Variants in FOXP1 observed in about 807,000 individuals in gnomAD.
FOXP1 encodes the protein forkhead box protein P1.
Under a neutral mutation model 98.2 loss-of-function variants are expected in FOXP1, and 15 were observed. That is an observed-to-expected ratio of 0.15 (90% confidence interval 0.10 to 0.24). The LOEUF (loss-of-function observed/expected upper bound fraction) is 0.24. Ranked by LOEUF, FOXP1 falls within the 10% of genes least tolerant of loss-of-function variation. The pLI, the probability that FOXP1 is intolerant of heterozygous loss-of-function variation, is 1.00. For synonymous variants in FOXP1, 371 were observed against 314.5 expected (o/e 1.18, Z -1.90); for missense variants, 633 against 848.5 (o/e 0.75, Z 3.15).
intron 12 of FOXP1, among the ~76,000 whole-genome samples, chr3:71,003,823 C>T (rs1264740647): frequency 1.3e-5 from 2 of 152,028 alleles, no homozygotes; most frequent in African/African-American, 2.4e-5. Flanking sequence ...TTCACAAATA[C>T]CCTTTCATTT....
At position 71,112,612 on chromosome 3, in the gene FOXP1, A is replaced by C. The variant is rs774077754; in HGVS notation, c.206T>G (p.Leu69Arg). 6.2e-7 allele frequency: 1 copy of C among 1,614,106 alleles called. No homozygotes were observed. Among genetic ancestry groups the C allele is most frequent in the Non-Finnish European group, 8.5e-7 (1 of 1,179,942 alleles). ...TTGCTGCTGCTGTTGCTGCTGAAGA[A>C]GGAGCTGTCTTGCCACCTGAAGTGC... ...QQALQVARQLLLQQQQQQQVS... is the reference protein window; with the variant it reads ...QQALQVARQLRLQQQQQQQVS... The change falls in exon 7 of 21, where the codon CTT (leucine) becomes CGT (arginine). Residue 69 changes from leucine to arginine, a missense_variant. By Grantham distance (102) the Leu-to-Arg change is moderately radical (BLOSUM62 -2). Transcript: ENST00000649528.
chr3:71,478,229 T>C (rs1252426696), intron 3 of FOXP1, among the ~76,000 whole-genome samples: 1 of 152,308 alleles, frequency 6.6e-6, no homozygotes, highest in Non-Finnish European at 1.5e-5. Context: ...TCTGATAGAA[T>C]ACAACCTTCA....
At chr3:71,057,339 C>T (rs1027809296) in intron 7 of FOXP1, among the ~76,000 whole-genome samples, 1 of 50,466 alleles carries the variant, frequency 2.0e-5, no homozygotes, top group Non-Finnish European at 4.1e-5. Flanking sequence ...AGATTTCATG[C>T]CTTCTACCTT....
Position 71,211,454 on chromosome 3 carries a change from C to T in FOXP1, c.-11-13062G>A, listed in dbSNP as rs561603377. On this transcript the variant is annotated intron_variant, in intron 5 of 20. Transcript: ENST00000649528. ...CTCCTGACCTCAAGTGATCTTCCCCCCTTGGCCTCCTAAAGTGCTGGAATT... is the reference window on the plus strand; with the variant it reads ...CTCCTGACCTCAAGTGATCTTCCCCTCTTGGCCTCCTAAAGTGCTGGAATT... 2.6e-5 allele frequency among the ~76,000 whole-genome samples: 4 copies of T among 152,090 alleles called. No homozygotes were observed. In the East Asian group the frequency reaches 7.7e-4, roughly 29 times the overall value.
intron 7 of FOXP1, among the ~76,000 whole-genome samples, chr3:71,063,166 C>A (rs970650186): frequency 6.6e-6 from 1 of 152,196 alleles, no homozygotes; most frequent in African/African-American, 2.4e-5. Context: ...GGTAGGCAGT[C>A]TGTATTTTGG....
intron 3 of FOXP1, among the ~76,000 whole-genome samples, chr3:71,388,734 A>T (rs1560412221): frequency 6.6e-6 from 1 of 152,246 alleles, no homozygotes; most frequent in Non-Finnish European, 1.5e-5. Context: ...AATGCCATAA[A>T]CATGCGGCAT....
chr3:71,575,070 T>G (rs564104301), intron 2 of FOXP1, among the ~76,000 whole-genome samples: 1 of 152,288 alleles, frequency 6.6e-6, no homozygotes, highest in Non-Finnish European at 1.5e-5. Flanking sequence ...GGATGCGATT[T>G]AAAAACACAG....
chr3:71,556,064 G>A (rs934114635), intron 2 of FOXP1, among the ~76,000 whole-genome samples: 1 of 151,908 alleles, frequency 6.6e-6, no homozygotes, highest in Admixed American at 6.6e-5. Context: ...ATAAAAATTG[G>A]GGTAATTTTC....
chr3:71,383,304 G>C (rs549064864), intron 3 of FOXP1, among the ~76,000 whole-genome samples: 1 of 152,152 alleles, frequency 6.6e-6, no homozygotes, highest in African/African-American at 2.4e-5. Flanking sequence ...GAGAAGACTC[G>C]ATTAAAGAAT....
Position 71,305,509 on chromosome 3 carries a change from C to T in FOXP1, c.-72-5629G>A, listed in dbSNP as rs550458228. Among the ~76,000 whole-genome samples, 5 of 152,240 alleles carry T rather than the reference C, an allele frequency of 3.3e-5. No homozygotes were observed. In the South Asian group the frequency reaches 6.2e-4, roughly 19 times the overall value. ...CCTGGCCCGGGTATAGACAATACAG[C>T]GGCAGAGTTTCTGTTTTCTTACAGT... On this transcript the variant is annotated intron_variant, in intron 4 of 20. Coordinates refer to ENST00000649528, the MANE Select transcript of FOXP1 (RefSeq NM_001349338.3).
At chr3:71,232,963 GACTACTACT>G (rs1024408015) in intron 5 of FOXP1, among the ~76,000 whole-genome samples, 19 of 142,356 alleles carry the variant, frequency 1.3e-4, no homozygotes, top group East Asian at 6.3e-4. Context: ...CCACCACCAC[GACTACTACT>G]ACTACTACTA....
At chr3:71,375,346 G>A (rs1333429055) in intron 3 of FOXP1, among the ~76,000 whole-genome samples, 1 of 152,184 alleles carries the variant, frequency 6.6e-6, no homozygotes, top group African/African-American at 2.4e-5. Flanking sequence ...AAATTGGCCT[G>A]AATAAAGAAA....
At chr3:71,227,108 A>T (rs539789860) in intron 5 of FOXP1, among the ~76,000 whole-genome samples, 1 of 151,982 alleles carries the variant, frequency 6.6e-6, no homozygotes, top group Non-Finnish European at 1.5e-5. Context: ...TCATCCTTCC[A>T]CTGACACACA....
intron 3 of FOXP1, among the ~76,000 whole-genome samples, chr3:71,435,175 G>A (rs2085134247): frequency 7.2e-6 from 1 of 139,850 alleles, no homozygotes; most frequent in South Asian, 2.6e-4. Context: ...AGGGAAAGGG[G>A]ACGGTAGAAA....
rs953443906 is a variant in FOXP1 at position 71,474,499 on chromosome 3, C to T, written c.-168+18927G>A. ...GCCAGGCTGCACAGCAGGAGGTCAG[C>T]GTCAGGCAAGCAAGTGAAGCTTCAT... is the stretch of plus-strand genomic sequence containing the variant. On this transcript the variant is annotated intron_variant, in intron 3 of 20. Coordinates refer to ENST00000649528, the MANE Select transcript of FOXP1 (RefSeq NM_001349338.3). Among the ~76,000 whole-genome samples the T allele has an allele frequency of 2.6e-5, 4 of 152,152 alleles. No individual in the cohort carries two copies. The East Asian group carries it at 5.8e-4, about 22-fold the overall frequency.
intron 3 of FOXP1, among the ~76,000 whole-genome samples, chr3:71,483,731 T>C (rs1457085791): frequency 6.6e-6 from 1 of 152,290 alleles, no homozygotes; most frequent in African/African-American, 2.4e-5. Context: ...TCTGGCTCTT[T>C]ACAGAAAAGA....
chr3:71,100,324 A>G (rs1172317544), intron 7 of FOXP1, among the ~76,000 whole-genome samples: 2 of 152,248 alleles, frequency 1.3e-5, no homozygotes, highest in African/African-American at 4.8e-5. Context: ...TCTAGAATAA[A>G]TAACAATCCC....
At chr3:71,221,735 C>A (rs1479471674) in intron 5 of FOXP1, among the ~76,000 whole-genome samples, 1 of 152,218 alleles carries the variant, frequency 6.6e-6, no homozygotes, top group Non-Finnish European at 1.5e-5. Flanking sequence ...AACCTCTTTC[C>A]TCCATGCAGC....
intron 3 of FOXP1, among the ~76,000 whole-genome samples, chr3:71,359,806 T>C (rs1031940384): frequency 3.3e-5 from 5 of 152,164 alleles, no homozygotes; most frequent in Admixed American, 1.3e-4. Flanking sequence ...CAATTATTTT[T>C]CCAGACACAG....
Sources: allele counts gnomAD v4.1 joint callset (sites outside exome capture counted in the v4.1 genomes callset), GRCh38; gene constraint gnomAD v4.1.1; transcripts MANE v1.5; gene names NCBI Gene and HGNC (gene_info 2026-07-23, HGNC 2026-07-21).